Variants in TBC1D31 observed in about 807,000 individuals in gnomAD.
The protein encoded by TBC1D31 is WD repeat domain 67.
TBC1D31 carries 99 observed loss-of-function variants against 132.9 expected under a neutral mutation model. The observed-to-expected ratio is 0.74, with a 90% confidence interval of 0.63 to 0.88. The LOEUF (loss-of-function observed/expected upper bound fraction) is 0.88. Among genes scored for constraint, TBC1D31 ranks in the 40% least tolerant of loss-of-function variants. The pLI, the probability that TBC1D31 is intolerant of heterozygous loss-of-function variation, is 0.00. For missense variants in TBC1D31, 1,134 were observed against 1,256.6 expected, an observed-to-expected ratio of 0.90 and a Z score of 1.48; for synonymous variants, 385 against 419.4, an observed-to-expected ratio of 0.92 and a Z score of 1.00.
intron 4 of TBC1D31, among the ~76,000 whole-genome samples, chr8:123,085,649 T>G (rs750377730): frequency 6.6e-6 from 1 of 152,148 alleles, no homozygotes; most frequent in Non-Finnish European, 1.5e-5. Context: ...GACCTTGTGA[T>G]CCACCCGCCT....
intron 7 of TBC1D31, among the ~76,000 whole-genome samples, chr8:123,104,861 G>A (rs1240112953): frequency 6.6e-6 from 1 of 152,128 alleles, no homozygotes; most frequent in African/African-American, 2.4e-5. Context: ...TCATTTGGCA[G>A]TTTCCTCTTA....
chr8:123,108,170 C>T (rs1446983771), intron 8 of TBC1D31, among the ~76,000 whole-genome samples: 7 of 152,130 alleles, frequency 4.6e-5, no homozygotes, highest in East Asian at 3.8e-4. Flanking sequence ...AGTCTGGCTT[C>T]GAGTCTTGAG....
At chr8:123,131,722 A>T (rs535050859) in intron 16 of TBC1D31, among the ~76,000 whole-genome samples, 1 of 151,942 alleles carries the variant, frequency 6.6e-6, no homozygotes. Flanking sequence ...AGTAACTTCT[A>T]AATTATGACA....
At chr8:123,158,463 G>A in the TBC1D31 span, among the ~76,000 whole-genome samples, 1 of 152,086 alleles carries the variant, frequency 6.6e-6, no homozygotes, top group Non-Finnish European at 1.5e-5. Flanking sequence ...CCGCGGGTCT[G>A]GGTGCCTCCC....
chr8:123,088,288 A>G (rs1815984747), intron 4 of TBC1D31, among the ~76,000 whole-genome samples: 2 of 152,212 alleles, frequency 1.3e-5, no homozygotes, highest in African/African-American at 4.8e-5. Flanking sequence ...TTGCAGTTCA[A>G]GAGCAAAATT....
At position 123,084,450 on chromosome 8, in the gene TBC1D31, G is replaced by A. The variant is rs558183457; in HGVS notation, c.519+110G>A. The A allele has an allele frequency of 8.3e-3, 8,973 of 1,083,650 alleles. 56 individuals are homozygous for A. The highest frequency in any genetic ancestry group is 0.01 in the Non-Finnish European group (7,620 of 751,078). The allele number at this position is 1,083,650 out of a possible 1,614,324, so 67.1% of individuals were successfully genotyped here. A position where few individuals can be genotyped will look rare whatever the true frequency, so the allele number is the denominator to read the frequency against. On this transcript the variant is annotated intron_variant, in intron 4 of 21. Transcript: ENST00000287380. ...TGATTCACTTTGTCCTTGTAGCTCTGTAACTCAGCAACAAGCAAAGCAAAG... is the reference window on the plus strand; with the variant it reads ...TGATTCACTTTGTCCTTGTAGCTCTATAACTCAGCAACAAGCAAAGCAAAG...
At chr8:123,108,522 G>A (rs2891695) in intron 8 of TBC1D31, among the ~76,000 whole-genome samples, 4 of 151,804 alleles carry the variant, frequency 2.6e-5, no homozygotes, top group African/African-American at 4.8e-5. Context: ...GGGGAGGAGC[G>A]GTCAGAGTGG....
intron 6 of TBC1D31, 57 bp from the exon 7 acceptor site, chr8:123,100,750 G>T (rs1817320682): frequency 1.1e-5 from 15 of 1,357,666 alleles, no homozygotes; most frequent in Non-Finnish European, 1.6e-5. Context: ...TATATAGTAG[G>T]ACTTTCAGAC....
At chr8:123,073,836 C>T (rs1392989348) in intron 1 of TBC1D31, among the ~76,000 whole-genome samples, 2 of 146,890 alleles carry the variant, frequency 1.4e-5, no homozygotes, top group African/African-American at 5.1e-5. Flanking sequence ...CTGGCGCGCG[C>T]CACTACGCCC....
Position 123,144,824 on chromosome 8 carries a change from T to C in TBC1D31, c.2943T>C (p.Ala981=), listed in dbSNP as rs141042880. 601 of 1,613,188 alleles carry C rather than the reference T, an allele frequency of 3.7e-4. No homozygotes were observed. Among genetic ancestry groups the C allele is most frequent in the African/African-American group, 2.9e-3 (219 of 75,016 alleles). ...TTTTAAAGCAAGAGATAAATGCGGC[T>C]GTAGAACATGCTGAAAATCCATGTC... ...KWFLKQEINA[A]VEHAENPCHK... Residue 981 remains alanine, a synonymous_variant, in exon 20 of 22, where the codon GCT becomes GCC. Transcript: ENST00000287380.
At chr8:123,107,271 T>A (rs548706345) in intron 8 of TBC1D31, among the ~76,000 whole-genome samples, 1 of 152,260 alleles carries the variant, frequency 6.6e-6, no homozygotes, top group East Asian at 1.9e-4. Context: ...CCGGCTTGTG[T>A]TCACTTTTTT....
chr8:123,136,617 AT>A (rs1821121426), intron 17 of TBC1D31, among the ~76,000 whole-genome samples: 2 of 151,942 alleles, frequency 1.3e-5, no homozygotes, highest in Admixed American at 6.6e-5. Context: ...CACCTGGCTA[AT>A]TTTTGTATTT....
intron 4 of TBC1D31, among the ~76,000 whole-genome samples, chr8:123,084,830 C>T (rs950181481): frequency 6.6e-6 from 1 of 151,950 alleles, no homozygotes. Flanking sequence ...CGCTCTGTCA[C>T]CTAGGCTGGG....
chr8:123,126,888 C>T (rs145037724), intron 13 of TBC1D31, among the ~76,000 whole-genome samples: 252 of 152,016 alleles, frequency 1.7e-3, no homozygotes, highest in African/African-American at 5.4e-3. Flanking sequence ...ATTACAGGTG[C>T]GCACCATCAT....
At chr8:123,103,077 C>T (rs770453157) in intron 7 of TBC1D31, 1 of 152,198 alleles carries the variant, frequency 6.6e-6, no homozygotes, top group Non-Finnish European at 1.5e-5. Flanking sequence ...TAATGAGGCT[C>T]TCAGGAACCT....
intron 6 of TBC1D31, 56 bp from the exon 7 acceptor site, chr8:123,100,751 A>G (rs1817320955): frequency 2.2e-6 from 3 of 1,364,160 alleles, no homozygotes; most frequent in Non-Finnish European, 3.1e-6. Flanking sequence ...ATATAGTAGG[A>G]CTTTCAGACA....
intron 20 of TBC1D31, among the ~76,000 whole-genome samples, chr8:123,146,794 C>T (rs1216381334): frequency 3.3e-5 from 5 of 151,952 alleles, no homozygotes; most frequent in African/African-American, 1.2e-4. Flanking sequence ...AAGAAATTCT[C>T]CTGCCTCAGC....
chr8:123,164,430 G>T, the TBC1D31 span, among the ~76,000 whole-genome samples: 99 of 152,276 alleles, frequency 6.5e-4, no homozygotes, highest in African/African-American at 2.1e-3. Flanking sequence ...AAAGAATGAA[G>T]AATAATCCAG....
intron 4 of TBC1D31, among the ~76,000 whole-genome samples, chr8:123,086,115 C>G (rs1057280618): frequency 6.6e-6 from 1 of 152,118 alleles, no homozygotes; most frequent in South Asian, 2.1e-4. Flanking sequence ...CCTTTATGTC[C>G]CCTGGCTGTC....
Sources: allele counts gnomAD v4.1 joint callset (sites outside exome capture counted in the v4.1 genomes callset), GRCh38; gene constraint gnomAD v4.1.1; transcripts MANE v1.5; gene names NCBI Gene and HGNC (gene_info 2026-07-23, HGNC 2026-07-21).